Variants in CAST observed in about 807,000 individuals in gnomAD.
The protein encoded by CAST is calpastatin, also known as MIR583 host.
In CAST, 76 loss-of-function variants were observed where a neutral mutation model predicts 119.6. That is an observed-to-expected ratio of 0.64 (90% confidence interval 0.53 to 0.77). CAST has a LOEUF of 0.77. Among genes scored for constraint, CAST ranks in the 30% least tolerant of loss-of-function variants. The probability of loss-of-function intolerance (pLI) is 0.00; values close to 1 mark genes in which losing one functional copy is unlikely to be tolerated. For missense variants in CAST, 953 were observed against 946.5 expected (o/e 1.01, Z -0.09); for synonymous variants, 319 against 331.6 (o/e 0.96, Z 0.41).
At chr5:95,996,454 C>T in the CAST span, among the ~76,000 whole-genome samples, 1 of 152,132 alleles carries the variant, frequency 6.6e-6, no homozygotes, top group East Asian at 1.9e-4. Context: ...GATATTGATA[C>T]TTTTATAATG....
intron 2 of CAST, among the ~76,000 whole-genome samples, chr5:96,680,766 GT>G (rs541172858): frequency 5.2e-4 from 79 of 152,322 alleles, no homozygotes; most frequent in South Asian, 1.4e-3. Context: ...TATTCAAGAA[GT>G]AATTTGTGAC....
At chr5:96,753,936 G>T in intron 20 of CAST, 124 bp from the exon 21 acceptor site, 1 of 623,628 alleles carries the variant, frequency 1.6e-6, no homozygotes, top group Non-Finnish European at 2.9e-6. Context: ...TTGATAACTC[G>T]AGTTATTAAA....
chr5:96,094,118 G>A, the CAST span, among the ~76,000 whole-genome samples: 15 of 152,276 alleles, frequency 9.9e-5, no homozygotes, highest in South Asian at 2.9e-3. Flanking sequence ...TAGTTATCTT[G>A]TTGTTAAATA....
chr5:96,138,007 T>A, the CAST span, among the ~76,000 whole-genome samples: 1 of 152,194 alleles, frequency 6.6e-6, no homozygotes, highest in Admixed American at 6.5e-5. Flanking sequence ...GTCCAACTTA[T>A]GAATTTCTCC....
chr5:96,364,562 G>A, the CAST span, among the ~76,000 whole-genome samples: 1 of 152,172 alleles, frequency 6.6e-6, no homozygotes, highest in Non-Finnish European at 1.5e-5. Flanking sequence ...GAGGATGTAT[G>A]CGTTCAGGAA....
rs1242150684 is a variant in CAST at position 96,536,036 on chromosome 5, T to TG, written c.60+6156_60+6157insG. 7.7e-4 allele frequency among the ~76,000 whole-genome samples: 50 copies of TG among 64,730 alleles called. No homozygotes were observed. In the Middle Eastern group the frequency reaches 0.057, roughly 73 times the overall value. 42.5% of individuals were successfully genotyped at this position (64,730 alleles called of 152,430 possible). ...CCATATGTTAAATATTTAAGGTTTT[T>TG]TTTTTTTTTTTTTTTTTTTTAAAGA... On this transcript the variant is annotated intron_variant, in intron 1 of 11. Coordinates refer to the CAST transcript ENST00000505143.
At chr5:96,399,495 A>G in the CAST span, among the ~76,000 whole-genome samples, 1 of 152,190 alleles carries the variant, frequency 6.6e-6, no homozygotes, top group Non-Finnish European at 1.5e-5. Context: ...AGTGTATGAT[A>G]AAGAATCCCT....
At chr5:96,189,828 A>G in the CAST span, among the ~76,000 whole-genome samples, 3 of 149,980 alleles carry the variant, frequency 2.0e-5, no homozygotes, top group Admixed American at 6.6e-5. Flanking sequence ...TGTTTTTAAC[A>G]TTATTTAAAA....
chr5:95,961,998 G>A, the CAST span: 2 of 417,644 alleles, frequency 4.8e-6, no homozygotes, highest in Non-Finnish European at 4.2e-6. Context: ...CGGGCCCAAA[G>A]TCACTAGAGT....
chr5:96,439,074 C>G, the CAST span, among the ~76,000 whole-genome samples: 1 of 152,090 alleles, frequency 6.6e-6, no homozygotes, highest in Admixed American at 6.5e-5. Flanking sequence ...ATTTCCATGT[C>G]AATAACTGTT....
At chr5:96,043,380 GT>G in the CAST span, among the ~76,000 whole-genome samples, 1 of 152,166 alleles carries the variant, frequency 6.6e-6, no homozygotes, top group Non-Finnish European at 1.5e-5. Flanking sequence ...AAAATGGTCT[GT>G]TTAATACAAA....
the CAST span, among the ~76,000 whole-genome samples, chr5:96,065,069 C>T: frequency 2.6e-5 from 4 of 152,046 alleles, no homozygotes; most frequent in African/African-American, 9.7e-5. Context: ...ATTCCTGTTA[C>T]CAATAGTTCC....
At chr5:96,039,703 G>C in the CAST span, among the ~76,000 whole-genome samples, 5,892 of 152,202 alleles carry the variant, frequency 0.039, 237 homozygotes, top group African/African-American at 0.1. Flanking sequence ...TCTTATTTCT[G>C]AGGCCTCTAT....
the CAST span, among the ~76,000 whole-genome samples, chr5:96,234,152 T>A: frequency 6.6e-6 from 1 of 152,166 alleles, no homozygotes; most frequent in African/African-American, 2.4e-5. Context: ...TGGCTAACTG[T>A]AGCCTGCATC....
At chr5:96,692,642 T>C (rs1041373370) in intron 2 of CAST, among the ~76,000 whole-genome samples, 3 of 152,112 alleles carry the variant, frequency 2.0e-5, no homozygotes, top group African/African-American at 4.8e-5. Context: ...ATATACACGA[T>C]TGGTTTCCAC....
At chr5:96,148,764 C>A in the CAST span, among the ~76,000 whole-genome samples, 2 of 152,200 alleles carry the variant, frequency 1.3e-5, no homozygotes, top group Non-Finnish European at 2.9e-5. Flanking sequence ...CTGATCCCTA[C>A]CTGAGCTAGG....
the CAST span, among the ~76,000 whole-genome samples, chr5:96,266,797 G>A: frequency 2.0e-5 from 3 of 152,060 alleles, no homozygotes; most frequent in Non-Finnish European, 4.4e-5. Context: ...AGCAAATAGA[G>A]CCATGACCTC....
At chr5:96,507,212 G>T in the CAST span, among the ~76,000 whole-genome samples, 1 of 152,038 alleles carries the variant, frequency 6.6e-6, no homozygotes. Context: ...CTGCATTCAC[G>T]TCGGGGAGAA....
intron 1 of CAST, among the ~76,000 whole-genome samples, chr5:96,576,637 A>C (rs1746676274): frequency 6.6e-6 from 1 of 151,666 alleles, no homozygotes; most frequent in African/African-American, 2.4e-5. Context: ...GAGCCACCGC[A>C]CCTGACATAT....
Sources: allele counts gnomAD v4.1 joint callset (sites outside exome capture counted in the v4.1 genomes callset), GRCh38; gene constraint gnomAD v4.1.1; transcripts MANE v1.5; gene names NCBI Gene and HGNC (gene_info 2026-07-23, HGNC 2026-07-21).